Variants in CDH13 observed in about 807,000 individuals in gnomAD.
CDH13 encodes the protein cadherin 13.
Under a neutral mutation model 63.8 loss-of-function variants are expected in CDH13, and 24 were observed. The ratio of observed to expected loss-of-function variants is 0.38; its 90% CI spans 0.27 to 0.53. The LOEUF (loss-of-function observed/expected upper bound fraction) is 0.53. Among genes scored for constraint, CDH13 ranks in the 20% least tolerant of loss-of-function variants. The probability of loss-of-function intolerance (pLI) is 0.85; values close to 1 mark genes in which losing one functional copy is unlikely to be tolerated. For synonymous variants in CDH13, 503 were observed against 355.3 expected (o/e 1.42, Z -4.67); for missense variants, 1,049 against 903.1 (o/e 1.16, Z -2.07).
chr16:83,040,105 C>G (rs567711914), intron 3 of CDH13, among the ~76,000 whole-genome samples: 4 of 151,876 alleles, frequency 2.6e-5, no homozygotes, highest in East Asian at 3.9e-4. Context: ...TAAGATCACT[C>G]TGGGGCCAGA....
intron 2 of CDH13, among the ~76,000 whole-genome samples, chr16:82,977,957 G>T (rs183619486): frequency 2.0e-4 from 30 of 152,288 alleles, no homozygotes; most frequent in Admixed American, 1.8e-3. Context: ...TATGGACAAT[G>T]AAGTCCAAGT....
chr16:82,868,980 G>T (rs1003250780), intron 2 of CDH13, among the ~76,000 whole-genome samples: 2 of 152,112 alleles, frequency 1.3e-5, no homozygotes, highest in African/African-American at 4.8e-5. Flanking sequence ...TATAATGGCA[G>T]CAATCTCAAC....
chr16:83,579,885 C>G (rs1259012563), intron 7 of CDH13, among the ~76,000 whole-genome samples: 1 of 152,044 alleles, frequency 6.6e-6, no homozygotes, highest in Non-Finnish European at 1.5e-5. Context: ...GCAGGCTTCA[C>G]AGGGGAGTAA....
chr16:83,699,908 A>G (rs1905960789), intron 10 of CDH13, among the ~76,000 whole-genome samples: 1 of 152,032 alleles, frequency 6.6e-6, no homozygotes, highest in South Asian at 2.1e-4. Flanking sequence ...TCTCCTCTGC[A>G]CTTTCTCTTT....
chr16:83,410,946 G>A (rs1017256297), intron 6 of CDH13, among the ~76,000 whole-genome samples: 1 of 152,182 alleles, frequency 6.6e-6, no homozygotes, highest in Non-Finnish European at 1.5e-5. Context: ...TTAACTGTCA[G>A]TGCTTCCAGT....
At chr16:82,670,813 C>G (rs1170881934) in intron 1 of CDH13, among the ~76,000 whole-genome samples, 1 of 152,166 alleles carries the variant, frequency 6.6e-6, no homozygotes, top group Non-Finnish European at 1.5e-5. Flanking sequence ...CATATCATTT[C>G]AGAACATCTG....
chr16:83,040,866 A>T (rs944893933), intron 3 of CDH13, among the ~76,000 whole-genome samples: 9 of 152,210 alleles, frequency 5.9e-5, no homozygotes, highest in African/African-American at 1.9e-4. Flanking sequence ...ATAAATGTTC[A>T]GCTAATGAAC....
chr16:83,098,723 T>G (rs896454853), intron 3 of CDH13, among the ~76,000 whole-genome samples: 21 of 152,232 alleles, frequency 1.4e-4, no homozygotes, highest in African/African-American at 4.8e-4. Context: ...ACATCTGCTG[T>G]CATTCTTCTC....
chr16:83,196,262 G>T (rs1423863070), intron 4 of CDH13, among the ~76,000 whole-genome samples: 1 of 145,002 alleles, frequency 6.9e-6, no homozygotes, highest in Non-Finnish European at 1.5e-5. Flanking sequence ...TCTCAAAAAA[G>T]AAAAAAAAAC....
chr16:83,256,953 A>T (rs867506211), intron 5 of CDH13, among the ~76,000 whole-genome samples: 3 of 151,702 alleles, frequency 2.0e-5, no homozygotes, highest in South Asian at 2.1e-4. Flanking sequence ...CGCCTGCTAT[A>T]TGTTGGGGCC....
intron 7 of CDH13, among the ~76,000 whole-genome samples, chr16:83,514,329 G>A (rs2074648984): frequency 6.6e-6 from 1 of 152,194 alleles, no homozygotes; most frequent in East Asian, 1.9e-4. Context: ...CCTACGTCCA[G>A]TATGCCTTGG....
In CDH13 at chr16:82,762,871, T is replaced by A. The variant is rs117882049; in HGVS notation, c.46-95491T>A. On this transcript the variant is annotated intron_variant, in intron 1 of 13. Transcript: ENST00000567109. Reference sequence around the variant, plus strand: ...TGGTTTGGGTGGGCACTCTCTTCATTAATAGCCATTATTGTGGAGTCCTTA... The same window carrying A: ...TGGTTTGGGTGGGCACTCTCTTCATAAATAGCCATTATTGTGGAGTCCTTA... Among the ~76,000 whole-genome samples, 734 of 152,320 alleles carry A rather than the reference T, an allele frequency of 4.8e-3. 1 individual carries two copies. The highest frequency in any genetic ancestry group is 8.3e-3 in the Non-Finnish European group (562 of 68,022).
At chr16:82,905,362 G>A (rs2041607947) in intron 2 of CDH13, among the ~76,000 whole-genome samples, 1 of 151,828 alleles carries the variant, frequency 6.6e-6, no homozygotes. Context: ...TCTGATAGTC[G>A]TTTTTAAGGA....
intron 1 of CDH13, among the ~76,000 whole-genome samples, chr16:82,732,760 G>C (rs2033469879): frequency 6.6e-6 from 1 of 152,130 alleles, no homozygotes; most frequent in Non-Finnish European, 1.5e-5. Flanking sequence ...ATGGTAAATA[G>C]CTCATGTTTT....
chr16:82,752,123 A>G (rs536700862), intron 1 of CDH13, among the ~76,000 whole-genome samples: 2 of 152,354 alleles, frequency 1.3e-5, no homozygotes, highest in East Asian at 1.9e-4. Context: ...TATTTATACC[A>G]TAAGCTAACA....
At chr16:82,700,333 C>T (rs1367004087) in intron 1 of CDH13, among the ~76,000 whole-genome samples, 6 of 152,246 alleles carry the variant, frequency 3.9e-5, no homozygotes, top group East Asian at 3.9e-4. Context: ...AAAGAACAGA[C>T]GATGAGAATC....
chr16:83,440,088 TAA>T (rs928132181), intron 6 of CDH13, among the ~76,000 whole-genome samples: 1 of 152,210 alleles, frequency 6.6e-6, no homozygotes, highest in African/African-American at 2.4e-5. Flanking sequence ...TTTGTCATTT[TAA>T]AAAGTTTGCT....
At chr16:82,740,409 C>G (rs543655586) in intron 1 of CDH13, among the ~76,000 whole-genome samples, 124 of 152,328 alleles carry the variant, frequency 8.1e-4, no homozygotes, top group Admixed American at 2.5e-3. Context: ...ATTAGCCCAA[C>G]CCGCTTTCTT....
intron 3 of CDH13, among the ~76,000 whole-genome samples, chr16:83,039,672 G>T (rs150355148): frequency 6.6e-6 from 1 of 152,172 alleles, no homozygotes; most frequent in African/African-American, 2.4e-5. Context: ...AGTGCCTGGC[G>T]CAGAGTATTC....
Sources: allele counts gnomAD v4.1 joint callset (sites outside exome capture counted in the v4.1 genomes callset), GRCh38; gene constraint gnomAD v4.1.1; transcripts MANE v1.5; gene names NCBI Gene and HGNC (gene_info 2026-07-23, HGNC 2026-07-21).